The following SLC9A2 variants were observed in gnomAD, a reference collection of about 807,000 sequenced individuals.
The protein encoded by SLC9A2 is sodium/hydrogen exchanger 2.
A neutral mutation model predicts 71.7 loss-of-function variants in SLC9A2; 42 were observed. The observed-to-expected ratio is 0.59, with a 90% confidence interval of 0.46 to 0.76. SLC9A2 has a LOEUF of 0.76. Among genes scored for constraint, SLC9A2 ranks in the 30% least tolerant of loss-of-function variants. The pLI, the probability that SLC9A2 is intolerant of heterozygous loss-of-function variation, is 0.00. For synonymous variants in SLC9A2, 396 were observed against 392.5 expected (o/e 1.01, Z -0.10); for missense variants, 829 against 1,017.4 (o/e 0.81, Z 2.52).
chr2:102,628,326 A>G (rs1676289457), intron 1 of SLC9A2, among the ~76,000 whole-genome samples: 1 of 152,182 alleles, frequency 6.6e-6, no homozygotes, highest in Non-Finnish European at 1.5e-5. Flanking sequence ...TCTTAACACA[A>G]CATACCAATG....
intron 3 of SLC9A2, among the ~76,000 whole-genome samples, chr2:102,679,775 C>T (rs1677415907): frequency 6.6e-6 from 1 of 152,020 alleles, no homozygotes; most frequent in Non-Finnish European, 1.5e-5. Flanking sequence ...TACTTTTTTC[C>T]CAGTGAATGA....
intron 1 of SLC9A2, among the ~76,000 whole-genome samples, chr2:102,632,441 C>T (rs1676393766): frequency 6.6e-6 from 1 of 151,570 alleles, no homozygotes; most frequent in African/African-American, 2.4e-5. Flanking sequence ...TTTAATGATA[C>T]ATGCACAATT....
intron 2 of SLC9A2, among the ~76,000 whole-genome samples, chr2:102,658,762 CA>C (rs1676994596): frequency 6.6e-6 from 1 of 151,996 alleles, no homozygotes; most frequent in Non-Finnish European, 1.5e-5. Flanking sequence ...TGAACACAGG[CA>C]AGGATTGAGA....
intron 1 of SLC9A2, among the ~76,000 whole-genome samples, chr2:102,657,323 T>C (rs903277185): frequency 2.6e-5 from 4 of 152,196 alleles, no homozygotes; most frequent in Non-Finnish European, 2.9e-5. Context: ...ATGTAGATAA[T>C]GTGTACCTAT....
intron 1 of SLC9A2, among the ~76,000 whole-genome samples, chr2:102,623,120 G>A (rs766512692): frequency 2.0e-5 from 3 of 151,990 alleles, no homozygotes; most frequent in African/African-American, 7.3e-5. Flanking sequence ...TGCCAGTTTC[G>A]GCTTTCCCCT....
chr2:102,682,095 T>C (rs1329475950), intron 3 of SLC9A2, among the ~76,000 whole-genome samples: 1 of 152,150 alleles, frequency 6.6e-6, no homozygotes, highest in Non-Finnish European at 1.5e-5. Context: ...ATGACCAGTA[T>C]TCAGCTTATG....
At chr2:102,658,089 CT>C in intron 2 of SLC9A2, 62 bp downstream of exon 2, 1 of 1,244,004 alleles carries the variant, frequency 8.0e-7, no homozygotes, top group Non-Finnish European at 1.1e-6. Flanking sequence ...CCTGCAGTGG[CT>C]CTCTGCACCT....
Position 102,665,317 on chromosome 2 carries a change from C to G in SLC9A2, c.971C>G (p.Thr324Arg), listed in dbSNP as rs370904789. Residue 324 changes from threonine (T) to arginine (R), a missense_variant, in exon 3 of 12, where the codon ACA (threonine) becomes AGA (arginine). Around this residue, in one of 3 missense-constraint regions of SLC9A2, gnomAD observed 500 missense variants for 726.3 expected, o/e 0.69. Coordinates refer to ENST00000233969, the MANE Select transcript of SLC9A2 (RefSeq NM_003048.6). ...CTGTACAGTTATTTGTCCTACATCA[C>G]AGCTGAAATGTTTCACCTCTCAGGC... ...VFLYSYLSYI[T>R]AEMFHLSGIM... is the part of the protein sequence containing the mutation. 6.2e-7 allele frequency: 1 copy of G among 1,613,654 alleles called. No homozygotes were observed. The highest frequency in any genetic ancestry group is 8.5e-7 in the Non-Finnish European group (1 of 1,179,748).
chr2:102,624,213 C>T (rs1391454111), intron 1 of SLC9A2, among the ~76,000 whole-genome samples: 1 of 152,144 alleles, frequency 6.6e-6, no homozygotes, highest in African/African-American at 2.4e-5. Flanking sequence ...TAGTACACCT[C>T]GGAAAAGCTT....
chr2:102,635,569 G>A (rs759993759), intron 1 of SLC9A2, among the ~76,000 whole-genome samples: 3 of 152,168 alleles, frequency 2.0e-5, no homozygotes, highest in Non-Finnish European at 4.4e-5. Flanking sequence ...CTGTTCACTC[G>A]CTGTCCATCC....
Position 102,620,010 on chromosome 2 carries a change from C to T in SLC9A2, c.162C>T (p.Ser54=), listed in dbSNP as rs544365552. Residue 54 remains serine, a synonymous_variant, in exon 1 of 12, where the codon AGC becomes AGT. Transcript: ENST00000233969. The stretch of plus-strand genomic sequence containing the variant: ...GTTCCAGCCCGCCTAGCCCTGCGAG[C>T]GTGGTGGCTCCCGGAACGACGCTGT... ...GTSSSPPSPA[S]VVAPGTTLFE... is the part of the protein sequence containing the mutation. 3.7e-6 allele frequency: 6 copies of T among 1,614,088 alleles called. No homozygotes were observed. The highest frequency in any genetic ancestry group is 5.1e-6 in the Non-Finnish European group (6 of 1,180,008).
At chr2:102,687,075 C>T (rs189268213) in intron 5 of SLC9A2, among the ~76,000 whole-genome samples, 18 of 152,304 alleles carry the variant, frequency 1.2e-4, no homozygotes, top group South Asian at 6.2e-4. Flanking sequence ...TTAGGTTAAA[C>T]GAGAGTCTGG....
chr2:102,649,331 G>T (rs530366749), intron 1 of SLC9A2, among the ~76,000 whole-genome samples: 2 of 152,298 alleles, frequency 1.3e-5, no homozygotes, highest in East Asian at 3.9e-4. Flanking sequence ...ACTCAAGATG[G>T]ATTAAAGGCT....
chr2:102,651,709 T>C (rs1248519518), intron 1 of SLC9A2, among the ~76,000 whole-genome samples: 1 of 152,230 alleles, frequency 6.6e-6, no homozygotes, highest in African/African-American at 2.4e-5. Context: ...TTTCCCACAC[T>C]AGCCTGCAGC....
chr2:102,666,403 G>A (rs897282759), intron 3 of SLC9A2, among the ~76,000 whole-genome samples: 12 of 151,890 alleles, frequency 7.9e-5, no homozygotes, highest in Admixed American at 1.3e-4. Context: ...TTCACCGTGT[G>A]AGCCAGTATG....
In SLC9A2 at chr2:102,708,611, G is replaced by A. The variant is rs908171747; in HGVS notation, c.*122G>A. The A allele has an allele frequency of 1.7e-6, 2 of 1,174,076 alleles. No individual in the cohort carries two copies. The highest frequency in any genetic ancestry group is 3.1e-5 in the African/African-American group (2 of 65,166). 72.7% of individuals were successfully genotyped at this position (1,174,076 alleles called of 1,614,324 possible). A position where few individuals can be genotyped will look rare whatever the true frequency, so the allele number is the denominator to read the frequency against. ...CTGTGCATCTAAATACTTCTGGAGGGCGACAGATTCATGCCACGGATAAAT... is the reference window on the plus strand; with the variant it reads ...CTGTGCATCTAAATACTTCTGGAGGACGACAGATTCATGCCACGGATAAAT... On this transcript the variant is annotated 3_prime_UTR_variant, in exon 12 of 12. Transcript: ENST00000233969.
At chr2:102,631,694 T>A (rs889231153) in intron 1 of SLC9A2, among the ~76,000 whole-genome samples, 1 of 152,026 alleles carries the variant, frequency 6.6e-6, no homozygotes, top group Non-Finnish European at 1.5e-5. Context: ...CATGGTTATG[T>A]TATCATAATG....
chr2:102,629,019 T>G (rs1304139464), intron 1 of SLC9A2, among the ~76,000 whole-genome samples: 1 of 152,192 alleles, frequency 6.6e-6, no homozygotes, highest in Admixed American at 6.5e-5. Context: ...TGTACAGGAT[T>G]TTATATACTT....
At chr2:102,658,437 T>C (rs1027309411) in intron 2 of SLC9A2, among the ~76,000 whole-genome samples, 3 of 151,984 alleles carry the variant, frequency 2.0e-5, no homozygotes, top group African/African-American at 2.4e-5. Context: ...CCAGAGTTCT[T>C]TGTGAGAAGT....
Sources: allele counts gnomAD v4.1 joint callset (sites outside exome capture counted in the v4.1 genomes callset), GRCh38; gene constraint gnomAD v4.1.1; regional missense constraint gnomAD v4.1.1; transcripts MANE v1.5; gene names NCBI Gene and HGNC (gene_info 2026-07-23, HGNC 2026-07-21).